The following MCM3AP variants were observed in gnomAD, a reference collection of about 807,000 sequenced individuals.
The protein encoded by MCM3AP is germinal-center associated nuclear protein.
Under a neutral mutation model 184.1 loss-of-function variants are expected in MCM3AP, and 126 were observed. The ratio of observed to expected loss-of-function variants is 0.68; its 90% CI spans 0.59 to 0.79. The LOEUF is 0.79. MCM3AP is among the 30% of genes least tolerant of loss of function. The probability of loss-of-function intolerance (pLI) is 0.00; values close to 1 mark genes in which losing one functional copy is unlikely to be tolerated. For missense variants in MCM3AP, 2,496 were observed against 2,479.2 expected, an observed-to-expected ratio of 1.01 and a Z score of -0.14; for synonymous variants, 1,002 against 979.3, an observed-to-expected ratio of 1.02 and a Z score of -0.43.
At chr21:46,280,391 T>C (rs1054744106) in intron 3 of MCM3AP, 106 bp downstream of exon 3, 3 of 912,874 alleles carry the variant, frequency 3.3e-6, no homozygotes, top group Non-Finnish European at 5.1e-6. Context: ...CAATGGCTCA[T>C]GCCTGTAATC....
Position 46,243,726 on chromosome 21 carries a change from G to A in MCM3AP, c.5039-4C>T. On this transcript the variant is annotated splice_polypyrimidine_tract_variant and splice_region_variant and intron_variant, in intron 23 of 27. Transcript: ENST00000291688. ...GAGCACACGGGGAGCCAGGGGGCTG[G>A]GGAGAAAGTGCCTCATTAGTTACAG... The A allele has an allele frequency of 1.2e-6, 2 of 1,613,272 alleles. No individual in the cohort carries two copies. Among genetic ancestry groups the A allele is most frequent in the Non-Finnish European group, 1.7e-6 (2 of 1,179,764 alleles).
Position 46,280,496 on chromosome 21 carries a change from CTTA to C in MCM3AP, c.1520_1522del (p.Ile507del). 1 of 1,596,862 alleles carries C rather than the reference CTTA, an allele frequency of 6.3e-7. No individual in the cohort carries two copies. Among genetic ancestry groups the C allele is most frequent in the East Asian group, 2.2e-5 (1 of 44,726 alleles). ...AGTGAAAAGAATAATTGAAAACTCA[CTTA>C]TTTTCTTCCTGTGCCAAAAGATAGC... On this transcript the variant is annotated inframe_deletion and splice_region_variant, in exon 3 of 28. Transcript: ENST00000291688.
chr21:46,281,742 T>A (rs1282310064), intron 2 of MCM3AP, among the ~76,000 whole-genome samples: 2 of 151,908 alleles, frequency 1.3e-5, no homozygotes, highest in Non-Finnish European at 2.9e-5. Flanking sequence ...GGCTCACGCC[T>A]GTAATCCCAG....
At chr21:46,278,164 G>GAAAA (rs10581831) in intron 4 of MCM3AP, among the ~76,000 whole-genome samples, 1 of 139,112 alleles carries the variant, frequency 7.2e-6, no homozygotes, top group Non-Finnish European at 1.6e-5. Context: ...ACCACCCCCC[G>GAAAA]AAAAAAAAAA....
intron 25 of MCM3AP, chr21:46,241,263 G>T: frequency 2.3e-6 from 1 of 441,506 alleles, no homozygotes; most frequent in Non-Finnish European, 4.1e-6. Context: ...CAGAGGCATT[G>T]AGACTGCCTG....
chr21:46,283,652 C>T lies in MCM3AP; in HGVS notation c.1406G>A (p.Arg469His), dbSNP rs1260034850. ...IAKVQRIFTRRSKKLAVVHFF... is the reference protein window; with the variant it reads ...IAKVQRIFTRHSKKLAVVHFF... ...ATGTACCACTGCAAGCTTTTTGCTG[C>T]GCCTGGTAAAGATGCGCTGCACTTT... The change falls in exon 2 of 28, where the codon CGC becomes CAC. Residue 469 changes from arginine to histidine, a missense_variant. Physicochemically the swap from Arg to His is conservative, Grantham distance 29. This residue lies in a region of MCM3AP where 800 missense variants were observed against 717.1 expected (regional missense o/e 1.12). Coordinates refer to ENST00000291688, the MANE Select transcript of MCM3AP (RefSeq NM_003906.5). 6 of 1,613,934 alleles carry T rather than the reference C, an allele frequency of 3.7e-6. No homozygotes were observed. The highest frequency in any genetic ancestry group is 2.2e-5 in the East Asian group (1 of 44,886).
Position 46,254,784 on chromosome 21 carries a change from C to A in MCM3AP, c.3993G>T (p.Gln1331His), listed in dbSNP as rs746865164. 1.9e-6 allele frequency: 3 copies of A among 1,613,904 alleles called. No homozygotes were observed. The highest frequency in any genetic ancestry group is 1.1e-5 in the South Asian group (1 of 91,082). ...GGTGCAGCATGACAGACCTCAGCAG[C>A]TGCTGGTAGAAGTGCTGAACCTTCA... ...HQMKVQHFYQ[Q>H]LLSDVAWASL... is the part of the protein sequence containing the mutation. The change falls in exon 18 of 28, where the codon CAG becomes CAT. Residue 1331 changes from glutamine to histidine, a missense_variant. By Grantham distance (24) the Gln-to-His change is conservative (BLOSUM62 0). Transcript: ENST00000291688.
rs759363014 is a variant in MCM3AP, at chr21:46,284,591, C to T, written c.696G>A (p.Glu232=). ...TTGACTTAGGTCCTCTCTTCTCTTC[C>T]TCTACATTTTGGTTTGACAAAGCAG... ...FTPALSNQNV[E]EEKRGPKSIF... The change falls in exon 1 of 28, where the codon GAG becomes GAA. Residue 232 remains glutamate, a synonymous_variant. Coordinates refer to ENST00000291688, the MANE Select transcript of MCM3AP (RefSeq NM_003906.5). 6.2e-7 allele frequency: 1 copy of T among 1,614,208 alleles called. No individual in the cohort carries two copies. The highest frequency in any genetic ancestry group is 1.3e-5 in the African/African-American group (1 of 75,060).
At chr21:46,247,108 A>C in intron 20 of MCM3AP, 1 of 519,116 alleles carries the variant, frequency 1.9e-6, no homozygotes. Flanking sequence ...ATTGTTAGCA[A>C]AGACTCCCCT....
intron 10 of MCM3AP, chr21:46,266,668 G>GTCATTGGCT (rs2081116699): frequency 2.9e-6 from 1 of 341,310 alleles, no homozygotes; most frequent in Non-Finnish European, 5.4e-6. Flanking sequence ...GAGGTTGTCC[G>GTCATTGGCT]TCATTGGCTG....
At chr21:46,249,277 T>C (rs1470790042) in intron 20 of MCM3AP, among the ~76,000 whole-genome samples, 2 of 152,044 alleles carry the variant, frequency 1.3e-5, no homozygotes, top group Non-Finnish European at 2.9e-5. Flanking sequence ...AGCCTCGAAC[T>C]CCCAGGTTCA....
chr21:46,236,505 A>G (rs1159117046), intron 27 of MCM3AP, among the ~76,000 whole-genome samples: 1 of 152,214 alleles, frequency 6.6e-6, no homozygotes, highest in African/African-American at 2.4e-5. Context: ...GGTAATGCCA[A>G]AGCTCAGACA....
chr21:46,255,839 C>T (rs1355770005), intron 17 of MCM3AP, among the ~76,000 whole-genome samples: 2 of 151,116 alleles, frequency 1.3e-5, no homozygotes, highest in South Asian at 2.1e-4. Context: ...AGGGCAGCTA[C>T]GGAGGGGGGA....
intron 18 of MCM3AP, 35 bp downstream of exon 18, chr21:46,254,741 C>G: frequency 6.3e-7 from 1 of 1,597,128 alleles, no homozygotes; most frequent in Non-Finnish European, 8.6e-7. Context: ...ACGGGGATCA[C>G]CAGGGGGTGC....
At chr21:46,246,987 A>C in intron 20 of MCM3AP, 101 bp from the exon 21 acceptor site, 1 of 1,250,778 alleles carries the variant, frequency 8.0e-7, no homozygotes, top group Admixed American at 1.8e-5. Context: ...TCCGTGCACT[A>C]AATACTGACT....
chr21:46,249,344 T>G (rs1392444238), intron 20 of MCM3AP, among the ~76,000 whole-genome samples: 1 of 152,122 alleles, frequency 6.6e-6, no homozygotes, highest in African/African-American at 2.4e-5. Context: ...CACACCACCA[T>G]GCCCAGCTAA....
At chr21:46,240,698 T>G in intron 26 of MCM3AP, 113 bp downstream of exon 26, 1 of 905,938 alleles carries the variant, frequency 1.1e-6, no homozygotes. Context: ...TTGCTAATAA[T>G]CCACCTGCCC....
rs17182552 is a variant in MCM3AP at position 46,284,289 on chromosome 21, C to A, written c.998G>T (p.Arg333Leu). Residue 333 changes from arginine to leucine, a missense_variant, in exon 1 of 28, where the codon CGG (arginine) becomes CTG (leucine). Transcript: ENST00000291688. Reference sequence around the variant, plus strand: ...CGTCCGACCAAATAAAGTACCTCCCCGGGGTCGATTCAGGCGGACAGGTCG... The same window carrying A: ...CGTCCGACCAAATAAAGTACCTCCCAGGGGTCGATTCAGGCGGACAGGTCG... ...DKRPVRLNRP[R>L]GGTLFGRTIQ... is the part of the protein sequence containing the mutation. 8.6e-5 allele frequency: 139 copies of A among 1,614,200 alleles called. No individual in the cohort carries two copies. The East Asian group carries it at 1.9e-3, about 22-fold the overall frequency.
Position 46,235,435 on chromosome 21 carries a change from A to G in MCM3AP, c.5785-9T>C, listed in dbSNP as rs1374187678. 1.2e-6 allele frequency: 2 copies of G among 1,613,572 alleles called. No homozygotes were observed. The highest frequency in any genetic ancestry group is 1.7e-6 in the Non-Finnish European group (2 of 1,179,780). ...TCCCTCATCATGTCACTCTATTTGA[A>G]TAAAAAAGAAACTGAACAGTTTTGG... On this transcript the variant is annotated splice_polypyrimidine_tract_variant and intron_variant, in intron 27 of 27. Coordinates refer to ENST00000291688, the MANE Select transcript of MCM3AP (RefSeq NM_003906.5).
Sources: gnomAD v4.1 joint callset for allele counts (sites outside exome capture counted in the v4.1 genomes callset) on GRCh38, gnomAD v4.1.1 for gene constraint, gnomAD v4.1.1 regional missense constraint, MANE v1.5 for transcripts, NCBI Gene and HGNC (gene_info 2026-07-23, HGNC 2026-07-21) for gene names.